The following MACROD2 variants were observed in gnomAD, a reference collection of about 807,000 sequenced individuals.
MACROD2 encodes the protein ADP-ribose glycohydrolase MACROD2.
Under a neutral mutation model 70.4 loss-of-function variants are expected in MACROD2, and 36 were observed. The observed-to-expected ratio is 0.51, with a 90% CI of 0.39 to 0.68. The LOEUF (loss-of-function observed/expected upper bound fraction) is 0.68, where lower values mean the gene tolerates loss of function less well. Among genes scored for constraint, MACROD2 ranks in the 30% least tolerant of loss-of-function variants. MACROD2 has a pLI of 0.00. For synonymous variants in MACROD2, 172 were observed against 178.8 expected (o/e 0.96, Z 0.30); for missense variants, 496 against 538.4 (o/e 0.92, Z 0.78).
intron 3 of MACROD2, among the ~76,000 whole-genome samples, chr20:14,456,396 A>G (rs1246749737): frequency 1.3e-5 from 2 of 151,882 alleles, no homozygotes; most frequent in African/African-American, 4.9e-5. Context: ...ACTAAAAGCA[A>G]TTCAGATACT....
chr20:15,560,673 G>C (rs2048229603), intron 8 of MACROD2, among the ~76,000 whole-genome samples: 2 of 138,248 alleles, frequency 1.4e-5, no homozygotes, highest in Admixed American at 1.6e-4. Flanking sequence ...TGAGGCAGGA[G>C]AATCACTTGA....
chr20:14,010,818 A>T (rs1281987129), intron 2 of MACROD2, among the ~76,000 whole-genome samples: 1 of 152,122 alleles, frequency 6.6e-6, no homozygotes, highest in Non-Finnish European at 1.5e-5. Context: ...CCATATTCCC[A>T]GTCTCTTTCA....
intron 8 of MACROD2, among the ~76,000 whole-genome samples, chr20:15,531,166 G>C (rs988561916): frequency 1.3e-5 from 2 of 151,290 alleles, no homozygotes; most frequent in Non-Finnish European, 2.9e-5. Flanking sequence ...AAAATTACCA[G>C]AATAAATAGG....
intron 8 of MACROD2, among the ~76,000 whole-genome samples, chr20:15,811,349 A>T (rs1469517609): frequency 3.3e-5 from 5 of 151,966 alleles, no homozygotes; most frequent in African/African-American, 1.2e-4. Flanking sequence ...GCTCATCATC[A>T]CTGGCCATCA....
Position 15,785,931 on chromosome 20 carries a change from C to T in MACROD2, c.646-76814C>T, listed in dbSNP as rs115622911. Among the ~76,000 whole-genome samples the T allele has an allele frequency of 4.9e-3, 745 of 151,902 alleles. 8 individuals are homozygous for T. Among genetic ancestry groups the T allele is most frequent in the African/African-American group, 0.017 (722 of 41,450 alleles). ...CATCATATATCACAGAAATAATACC[C>T]AAAGAGACACAGGAATATTTTATAA... On this transcript the variant is annotated intron_variant, in intron 8 of 17. Transcript: ENST00000684519.
intron 5 of MACROD2, among the ~76,000 whole-genome samples, chr20:14,741,266 A>G (rs980666426): frequency 6.6e-6 from 1 of 152,172 alleles, no homozygotes; most frequent in Non-Finnish European, 1.5e-5. Context: ...GTTTTCCTTT[A>G]GACCAAGCAT....
At chr20:14,704,039 C>G (rs993206584) in intron 5 of MACROD2, among the ~76,000 whole-genome samples, 1 of 152,080 alleles carries the variant, frequency 6.6e-6, no homozygotes, top group Non-Finnish European at 1.5e-5. Context: ...GAGACCCTGA[C>G]TTCTTTTAAA....
intron 4 of MACROD2, among the ~76,000 whole-genome samples, chr20:14,583,681 A>G (rs965626220): frequency 3.3e-5 from 5 of 152,208 alleles, no homozygotes; most frequent in Admixed American, 3.3e-4. Context: ...GATCTACCTT[A>G]GAAGGTTGTT....
intron 5 of MACROD2, among the ~76,000 whole-genome samples, chr20:15,074,486 G>T (rs560201762): frequency 6.6e-6 from 1 of 152,224 alleles, no homozygotes; most frequent in Admixed American, 6.5e-5. Context: ...CCTATAAATT[G>T]CACCCGAGGA....
intron 15 of MACROD2, among the ~76,000 whole-genome samples, chr20:16,004,583 C>T (rs140688242): frequency 2.1e-3 from 315 of 152,316 alleles, no homozygotes; most frequent in Non-Finnish European, 3.3e-3. Context: ...TAGCAGCTCT[C>T]TTATCAGCAG....
chr20:14,493,143 T>A (rs1048705881), intron 3 of MACROD2, among the ~76,000 whole-genome samples: 2 of 152,016 alleles, frequency 1.3e-5, no homozygotes, highest in Non-Finnish European at 2.9e-5. Context: ...AATAATATTG[T>A]TCTATTCTAC....
chr20:14,353,855 C>G (rs1022057211), intron 3 of MACROD2, among the ~76,000 whole-genome samples: 7 of 152,026 alleles, frequency 4.6e-5, no homozygotes, highest in African/African-American at 1.5e-4. Flanking sequence ...TAAGGGTCTA[C>G]AAGACCATGA....
chr20:14,169,565 A>G (rs2081201510), intron 3 of MACROD2, among the ~76,000 whole-genome samples: 1 of 152,084 alleles, frequency 6.6e-6, no homozygotes, highest in Non-Finnish European at 1.5e-5. Context: ...CAGCCTCCCA[A>G]AGTGCTGGGA....
chr20:14,312,438 T>C (rs1265838853), intron 3 of MACROD2, among the ~76,000 whole-genome samples: 4 of 152,236 alleles, frequency 2.6e-5, no homozygotes, highest in Admixed American at 1.3e-4. Flanking sequence ...TCTTTAAATT[T>C]TAGCTTCTAT....
chr20:15,204,227 T>C (rs2076681844), intron 5 of MACROD2, among the ~76,000 whole-genome samples: 1 of 152,150 alleles, frequency 6.6e-6, no homozygotes, highest in African/African-American at 2.4e-5. Context: ...TGTAAAGTAA[T>C]AAATGGCCCA....
At chr20:14,229,744 T>A (rs2081782364) in intron 3 of MACROD2, among the ~76,000 whole-genome samples, 1 of 152,152 alleles carries the variant, frequency 6.6e-6, no homozygotes, top group East Asian at 1.9e-4. Context: ...CACAAAAACT[T>A]TTACATGAAT....
intron 5 of MACROD2, among the ~76,000 whole-genome samples, chr20:15,121,742 A>C (rs1415706070): frequency 6.6e-6 from 1 of 152,148 alleles, no homozygotes; most frequent in Non-Finnish European, 1.5e-5. Flanking sequence ...AAAGTCTTCT[A>C]GGTGAATTTG....
intron 8 of MACROD2, among the ~76,000 whole-genome samples, chr20:15,691,799 GA>G (rs1239607405): frequency 6.6e-6 from 1 of 152,176 alleles, no homozygotes; most frequent in Non-Finnish European, 1.5e-5. Context: ...GCTAAGTTAT[GA>G]GATAATTTCT....
intron 8 of MACROD2, among the ~76,000 whole-genome samples, chr20:15,602,411 C>T (rs957787011): frequency 2.0e-5 from 3 of 152,176 alleles, no homozygotes; most frequent in African/African-American, 7.2e-5. Context: ...GTTTTACTGC[C>T]CTCCCTTCCC....
Sources: allele counts gnomAD v4.1 joint callset (sites outside exome capture counted in the v4.1 genomes callset), GRCh38; gene constraint gnomAD v4.1.1; transcripts MANE v1.5; gene names NCBI Gene and HGNC (gene_info 2026-07-23, HGNC 2026-07-21).